TLL1: variants seen among roughly 807,000 people sequenced by gnomAD.
TLL1 encodes the protein tolloid-like protein 1.
A neutral mutation model predicts 128.2 loss-of-function variants in TLL1; 49 were observed. The observed-to-expected ratio is 0.38, with a 90% CI of 0.30 to 0.48. TLL1 has a LOEUF of 0.48. TLL1 is among the 20% of genes least tolerant of loss of function. The probability of loss-of-function intolerance (pLI) is 0.96; values close to 1 mark genes in which losing one functional copy is unlikely to be tolerated. For missense variants in TLL1, 1,123 were observed against 1,242.0 expected, an observed-to-expected ratio of 0.90 and a Z score of 1.44; for synonymous variants, 454 against 418.8, an observed-to-expected ratio of 1.08 and a Z score of -1.03.
At chr4:165,952,572 C>G (rs1178654821) in intron 1 of TLL1, among the ~76,000 whole-genome samples, 1 of 151,992 alleles carries the variant, frequency 6.6e-6, no homozygotes, top group African/African-American at 2.4e-5. Context: ...ATTTTTAAGA[C>G]TGATGAGAAT....
chr4:166,018,598 C>T (rs1007446130), intron 8 of TLL1, among the ~76,000 whole-genome samples: 5 of 151,842 alleles, frequency 3.3e-5, no homozygotes, highest in Non-Finnish European at 5.9e-5. Context: ...GAACTTAAAC[C>T]AATCAACAAA....
chr4:165,916,367 A>C lies in TLL1; in HGVS notation c.169+42294A>C, dbSNP rs902442085. Among the ~76,000 whole-genome samples the C allele has an allele frequency of 4.9e-4, 74 of 152,330 alleles. 1 individual carries two copies. Among genetic ancestry groups the C allele is most frequent in the African/African-American group, 1.6e-3 (65 of 41,572 alleles). On this transcript the variant is annotated intron_variant, in intron 1 of 20. Coordinates refer to ENST00000061240, the MANE Select transcript of TLL1 (RefSeq NM_012464.5). ...TTGGGTGCATGCATTTATTAAAACT[A>C]ATTGAGTGCACACTTAAGATTTGTA...
At chr4:165,894,147 C>T (rs547228264) in intron 1 of TLL1, among the ~76,000 whole-genome samples, 24 of 152,018 alleles carry the variant, frequency 1.6e-4, no homozygotes, top group African/African-American at 5.1e-4. Flanking sequence ...ATGTCTGAAG[C>T]GATAATGGCC....
intron 15 of TLL1, among the ~76,000 whole-genome samples, chr4:166,065,426 G>C (rs545713964): frequency 6.6e-6 from 1 of 151,910 alleles, no homozygotes; most frequent in South Asian, 2.1e-4. Flanking sequence ...GTATCATTTT[G>C]GACAAGCTAT....
chr4:165,998,909 TC>T (rs1230086937), intron 5 of TLL1, among the ~76,000 whole-genome samples: 1 of 152,128 alleles, frequency 6.6e-6, no homozygotes. Flanking sequence ...GTGTTTTCTC[TC>T]CTCAAGAAGG....
chr4:165,957,603 A>G (rs912729118), intron 1 of TLL1, among the ~76,000 whole-genome samples: 3 of 151,838 alleles, frequency 2.0e-5, no homozygotes, highest in African/African-American at 4.8e-5. Context: ...TGGTGCACCC[A>G]TCACCCGAGC....
At chr4:166,058,238 C>T (rs1560841842) in intron 14 of TLL1, among the ~76,000 whole-genome samples, 1 of 151,942 alleles carries the variant, frequency 6.6e-6, no homozygotes, top group Non-Finnish European at 1.5e-5. Flanking sequence ...TTTCATCCAC[C>T]CATCTATATA....
chr4:166,072,374 CTT>C (rs1397204377), intron 16 of TLL1, among the ~76,000 whole-genome samples: 1 of 151,514 alleles, frequency 6.6e-6, no homozygotes, highest in Non-Finnish European at 1.5e-5. Flanking sequence ...TACTTGTTCT[CTT>C]TCTTTTCCTT....
At chr4:165,934,605 T>A (rs943064303) in intron 1 of TLL1, among the ~76,000 whole-genome samples, 3 of 152,136 alleles carry the variant, frequency 2.0e-5, no homozygotes, top group African/African-American at 7.2e-5. Context: ...AGGAAGAGAT[T>A]CACTTAAAGA....
chr4:165,956,694 A>G (rs1287825342), intron 1 of TLL1, among the ~76,000 whole-genome samples: 3 of 152,110 alleles, frequency 2.0e-5, no homozygotes, highest in African/African-American at 7.2e-5. Flanking sequence ...CAATTATCAC[A>G]GTGGTCCTGA....
intron 12 of TLL1, among the ~76,000 whole-genome samples, chr4:166,046,029 C>T (rs1739450710): frequency 6.6e-6 from 1 of 152,182 alleles, no homozygotes; most frequent in Non-Finnish European, 1.5e-5. Context: ...CTGTCTCTCT[C>T]ACTAGAATAT....
chr4:165,965,277 C>A (rs1467421447), intron 1 of TLL1, among the ~76,000 whole-genome samples: 1 of 152,084 alleles, frequency 6.6e-6, no homozygotes, highest in African/African-American at 2.4e-5. Flanking sequence ...ACTTTAAAAA[C>A]CCTACATACA....
intron 7 of TLL1, among the ~76,000 whole-genome samples, chr4:166,009,043 A>G (rs1484851932): frequency 6.6e-6 from 1 of 151,536 alleles, no homozygotes; most frequent in Admixed American, 6.6e-5. Flanking sequence ...TATTTTTAAA[A>G]TTATGCTTTT....
intron 1 of TLL1, among the ~76,000 whole-genome samples, chr4:165,951,869 G>T (rs912619817): frequency 6.6e-6 from 1 of 152,104 alleles, no homozygotes; most frequent in Non-Finnish European, 1.5e-5. Context: ...AATTGTAGTT[G>T]TTGATAATTT....
chr4:165,918,132 T>C (rs994702377), intron 1 of TLL1, among the ~76,000 whole-genome samples: 1 of 152,194 alleles, frequency 6.6e-6, no homozygotes, highest in African/African-American at 2.4e-5. Context: ...TGTAAGATAA[T>C]AGTATACCAT....
intron 1 of TLL1, among the ~76,000 whole-genome samples, chr4:165,928,492 G>C (rs2110900779): frequency 6.6e-6 from 1 of 152,270 alleles, no homozygotes; most frequent in South Asian, 2.1e-4. Flanking sequence ...CAGGAGAAAA[G>C]GAGGAAGAGC....
chr4:165,892,534 A>C (rs1204140344), intron 1 of TLL1, among the ~76,000 whole-genome samples: 1 of 152,182 alleles, frequency 6.6e-6, no homozygotes. Context: ...GCTTCCTGAA[A>C]ATATGCCATT....
intron 18 of TLL1, among the ~76,000 whole-genome samples, chr4:166,078,787 C>A (rs1358027560): frequency 1.3e-5 from 2 of 152,104 alleles, no homozygotes; most frequent in African/African-American, 4.8e-5. Context: ...GCAGTGCCAA[C>A]TAACAAGGCT....
At chr4:165,958,926 A>G (rs34988156) in intron 1 of TLL1, among the ~76,000 whole-genome samples, 65,609 of 122,954 alleles carry the variant, frequency 0.53, 19,005 homozygotes, top group Admixed American at 0.66. Context: ...AGCTTTCTAC[A>G]TATGGCTAGC....
Sources: allele counts gnomAD v4.1 joint callset (sites outside exome capture counted in the v4.1 genomes callset), GRCh38; gene constraint gnomAD v4.1.1; transcripts MANE v1.5; gene names NCBI Gene and HGNC (gene_info 2026-07-23, HGNC 2026-07-21).